The following PTPRD variants were observed in gnomAD, a reference collection of about 807,000 sequenced individuals.
PTPRD encodes the protein protein tyrosine phosphatase receptor type D.
A neutral mutation model predicts 214.5 loss-of-function variants in PTPRD; 34 were observed. The ratio of observed to expected loss-of-function variants is 0.16; its 90% CI spans 0.12 to 0.21. PTPRD has a LOEUF of 0.21. PTPRD is among the 10% of genes least tolerant of loss of function. The pLI, the probability that PTPRD is intolerant of heterozygous loss-of-function variation, is 1.00. For synonymous variants in PTPRD, 1,128 were observed against 845.7 expected, an observed-to-expected ratio of 1.33 and a Z score of -5.79; for missense variants, 2,545 against 2,398.7, an observed-to-expected ratio of 1.06 and a Z score of -1.27.
At chr9:8,830,355 C>A (rs945553550) in intron 11 of PTPRD, among the ~76,000 whole-genome samples, 2 of 151,798 alleles carry the variant, frequency 1.3e-5, no homozygotes, top group Non-Finnish European at 2.9e-5. Context: ...GGAAAATAAT[C>A]AAAGGATTAA....
chr9:9,821,824 C>T (rs1478876232), intron 5 of PTPRD, among the ~76,000 whole-genome samples: 1 of 151,566 alleles, frequency 6.6e-6, no homozygotes, highest in Non-Finnish European at 1.5e-5. Flanking sequence ...ATGCTTACAA[C>T]TTTTCACTTA....
At chr9:9,379,119 G>A (rs1249004834) in intron 9 of PTPRD, among the ~76,000 whole-genome samples, 1 of 150,494 alleles carries the variant, frequency 6.6e-6, no homozygotes, top group African/African-American at 2.4e-5. Flanking sequence ...TATTTTCTCT[G>A]AGTTTTATAG....
intron 2 of PTPRD, among the ~76,000 whole-genome samples, chr9:10,577,986 A>ACTGCAACCTCCGCCTCC (rs2070114362): frequency 6.7e-6 from 1 of 149,928 alleles, no homozygotes; most frequent in Non-Finnish European, 1.5e-5. Flanking sequence ...ATCTCGGCTC[A>ACTGCAACCTCCGCCTCC]CTGCAACCTC....
At chr9:8,681,526 G>T (rs2097549081) in intron 12 of PTPRD, among the ~76,000 whole-genome samples, 1 of 152,092 alleles carries the variant, frequency 6.6e-6, no homozygotes, top group African/African-American at 2.4e-5. Context: ...GTCTTTAAAA[G>T]CTTTTGTCCC....
chr9:9,949,070 T>A (rs1032059810), intron 4 of PTPRD, among the ~76,000 whole-genome samples: 2 of 151,992 alleles, frequency 1.3e-5, no homozygotes, highest in Non-Finnish European at 2.9e-5. Flanking sequence ...ATTATAAGAA[T>A]TGTTCATATG....
At chr9:8,564,682 A>C (rs929620773) in intron 14 of PTPRD, among the ~76,000 whole-genome samples, 1 of 152,210 alleles carries the variant, frequency 6.6e-6, no homozygotes, top group African/African-American at 2.4e-5. Context: ...CCTGGGCGAC[A>C]GAATGAAGAC....
At position 8,465,556 on chromosome 9, in the gene PTPRD, G is replaced by A; in HGVS notation, c.3624C>T (p.Asp1208=). The A allele has an allele frequency of 6.2e-7, 1 of 1,612,586 alleles. No individual in the cohort carries two copies. The change falls in exon 32 of 46, where the codon GAC becomes GAT. Residue 1208 remains aspartate, a synonymous_variant. Transcript: ENST00000381196. The stretch of plus-strand genomic sequence containing the variant: ...TGTTTGTAAATCCACCATAATGCTT[G>A]TCATCCCCCAGGGTGAACTCAGTGG... ...VLPTEFTLGD[D]KHYGGFTNKQ...
chr9:9,073,647 A>T (rs1272792755), intron 10 of PTPRD, among the ~76,000 whole-genome samples: 1 of 152,186 alleles, frequency 6.6e-6, no homozygotes. Context: ...TTCAGATGCA[A>T]GACTCTTAAC....
At chr9:10,254,328 G>C (rs1226643729) in intron 3 of PTPRD, among the ~76,000 whole-genome samples, 1 of 152,068 alleles carries the variant, frequency 6.6e-6, no homozygotes, top group Non-Finnish European at 1.5e-5. Flanking sequence ...ATAGTGTTTT[G>C]GATTTTTCCC....
chr9:8,521,669 C>G (rs1441892898), intron 19 of PTPRD, 123 bp from the exon 20 acceptor site: 1 of 1,129,288 alleles, frequency 8.9e-7, no homozygotes, highest in East Asian at 2.5e-5. Flanking sequence ...TGTCCAAAAA[C>G]AAAACATAAA....
At chr9:8,646,219 C>G (rs954328687) in intron 12 of PTPRD, among the ~76,000 whole-genome samples, 4 of 152,122 alleles carry the variant, frequency 2.6e-5, no homozygotes, top group African/African-American at 9.7e-5. Flanking sequence ...CCATAGCTTC[C>G]CATCTGGTCA....
rs544975232 is a variant in PTPRD at position 8,391,209 on chromosome 9, G to C, written c.4211-1802C>G. Among the ~76,000 whole-genome samples the C allele has an allele frequency of 2.0e-5, 3 of 152,026 alleles. No homozygotes were observed. The South Asian group carries it at 6.2e-4, about 32-fold the overall frequency. On this transcript the variant is annotated intron_variant, in intron 36 of 45. Coordinates refer to ENST00000381196, the MANE Select transcript of PTPRD (RefSeq NM_002839.4). The stretch of plus-strand genomic sequence containing the variant: ...TGTTATATTTCACTGATTGCCACTT[G>C]CAATGACTTTGACTGCTTTTCTGAT...
intron 7 of PTPRD, among the ~76,000 whole-genome samples, chr9:9,607,673 T>G (rs2094252755): frequency 6.6e-6 from 1 of 151,964 alleles, no homozygotes; most frequent in Admixed American, 6.6e-5. Context: ...ATTCCTGACA[T>G]TGTGCTTTCA....
chr9:9,800,284 A>G (rs1349758982), intron 5 of PTPRD, among the ~76,000 whole-genome samples: 1 of 152,170 alleles, frequency 6.6e-6, no homozygotes, highest in Non-Finnish European at 1.5e-5. Flanking sequence ...ACAGTGAGCT[A>G]TGATTGAGTC....
intron 8 of PTPRD, among the ~76,000 whole-genome samples, chr9:9,529,249 G>T (rs1184650475): frequency 6.9e-6 from 1 of 144,452 alleles, no homozygotes; most frequent in Admixed American, 7.1e-5. Context: ...CAGTTTCTTA[G>T]ATTGAAATCT....
chr9:8,899,607 C>T (rs1473163898), intron 11 of PTPRD, among the ~76,000 whole-genome samples: 1 of 152,128 alleles, frequency 6.6e-6, no homozygotes, highest in Non-Finnish European at 1.5e-5. Context: ...TGGCAAGGAG[C>T]AGTTGTGGGA....
intron 3 of PTPRD, among the ~76,000 whole-genome samples, chr9:10,246,481 T>TGA (rs1306779976): frequency 4.6e-5 from 7 of 152,270 alleles, no homozygotes; most frequent in African/African-American, 1.4e-4. Context: ...TGACCTCAGG[T>TGA]GATCCATCCC....
Position 9,827,189 on chromosome 9 carries a change from A to G in PTPRD, c.-367-60338T>C, listed in dbSNP as rs1335078251. On this transcript the variant is annotated intron_variant, in intron 5 of 45. Transcript: ENST00000381196. The stretch of plus-strand genomic sequence containing the variant: ...TTCATATGGAACCAAAAAAGAGCCC[A>G]CATTGCCAAGTCAATCCTAAGCCAA... Among the ~76,000 whole-genome samples the G allele has an allele frequency of 8.5e-5, 13 of 152,088 alleles. No homozygotes were observed. The East Asian group carries it at 1.2e-3, about 14-fold the overall frequency.
At chr9:8,890,163 A>G (rs902018417) in intron 11 of PTPRD, among the ~76,000 whole-genome samples, 1 of 152,218 alleles carries the variant, frequency 6.6e-6, no homozygotes, top group Non-Finnish European at 1.5e-5. Flanking sequence ...TATTCTCATC[A>G]AAAATATATA....
Sources: allele counts gnomAD v4.1 joint callset (sites outside exome capture counted in the v4.1 genomes callset), GRCh38; gene constraint gnomAD v4.1.1; transcripts MANE v1.5; gene names NCBI Gene and HGNC (gene_info 2026-07-23, HGNC 2026-07-21).